Variants in LPCAT2 observed in about 807,000 individuals in gnomAD.
LPCAT2 encodes the protein lysophosphatidylcholine acyltransferase 2.
A neutral mutation model predicts 64.7 loss-of-function variants in LPCAT2; 58 were observed. The ratio of observed to expected loss-of-function variants is 0.90; its 90% confidence interval spans 0.73 to 1.12. The LOEUF (loss-of-function observed/expected upper bound fraction) is 1.12. Among genes scored for constraint, LPCAT2 ranks in the 50% most tolerant of loss-of-function variants. LPCAT2 has a pLI of 0.00. For synonymous variants in LPCAT2, 252 were observed against 245.3 expected (o/e 1.03, Z -0.26); for missense variants, 579 against 669.8 (o/e 0.86, Z 1.50).
At chr16:55,566,883 G>A (rs1963704611) in intron 11 of LPCAT2, 1 of 1,613,742 alleles carries the variant, frequency 6.2e-7, no homozygotes, top group Admixed American at 1.7e-5. Flanking sequence ...GATAGTTGGA[G>A]GAATTGTGAA....
At chr16:55,558,365 T>G (rs1963600206) in intron 11 of LPCAT2, among the ~76,000 whole-genome samples, 1 of 152,256 alleles carries the variant, frequency 6.6e-6, no homozygotes, top group African/African-American at 2.4e-5. Flanking sequence ...TTCATCCTCC[T>G]TCAGCACCAC....
chr16:55,571,433 G>C (rs1298972156), intron 11 of LPCAT2, among the ~76,000 whole-genome samples: 1 of 152,132 alleles, frequency 6.6e-6, no homozygotes, highest in Non-Finnish European at 1.5e-5. Flanking sequence ...TTCCAGGAAA[G>C]GGATGGGGCC....
intron 11 of LPCAT2, among the ~76,000 whole-genome samples, chr16:55,557,580 T>C (rs1031806486): frequency 5.3e-5 from 8 of 152,122 alleles, no homozygotes; most frequent in Non-Finnish European, 8.8e-5. Context: ...AGGTAAGGTG[T>C]CCCTGTTGCT....
chr16:55,566,742 T>C, intron 11 of LPCAT2: 1 of 1,591,972 alleles, frequency 6.3e-7, no homozygotes, highest in South Asian at 1.1e-5. Flanking sequence ...CGCATTTGCT[T>C]GTTAAACTGA....
intron 9 of LPCAT2, 40 bp from the exon 10 acceptor site, chr16:55,549,237 T>TTAA (rs199630817): frequency 6.9e-5 from 92 of 1,332,548 alleles, no homozygotes; most frequent in South Asian, 2.7e-4. Flanking sequence ...CTTTTTTTTT[T>TTAA]AAAAAAAATG....
At chr16:55,522,631 G>T (rs968797742) in intron 1 of LPCAT2, among the ~76,000 whole-genome samples, 21 of 151,832 alleles carry the variant, frequency 1.4e-4, no homozygotes, top group African/African-American at 4.8e-4. Context: ...CAGAAGTATA[G>T]ATCAACAGAT....
At chr16:55,573,317 A>C (rs1014151312) in intron 11 of LPCAT2, among the ~76,000 whole-genome samples, 13 of 152,214 alleles carry the variant, frequency 8.5e-5, no homozygotes, top group African/African-American at 2.6e-4. Context: ...TTCTTGCCTT[A>C]GTGTTTTAAA....
At chr16:55,548,086 T>C (rs1260500596) in intron 9 of LPCAT2, among the ~76,000 whole-genome samples, 1 of 152,196 alleles carries the variant, frequency 6.6e-6, no homozygotes, top group African/African-American at 2.4e-5. Flanking sequence ...TGTTTTATTC[T>C]GATTGTATTC....
At chr16:55,531,461 A>G (rs944741413) in intron 4 of LPCAT2, among the ~76,000 whole-genome samples, 3 of 152,184 alleles carry the variant, frequency 2.0e-5, no homozygotes, top group Non-Finnish European at 4.4e-5. Context: ...CACATTGTAC[A>G]CATATCTTTT....
rs371511773 is a variant in LPCAT2, at chr16:55,544,741, C to T, written c.853-994C>T. On this transcript the variant is annotated intron_variant, in intron 8 of 13. Coordinates refer to ENST00000262134, the MANE Select transcript of LPCAT2 (RefSeq NM_017839.5). ...TCCTCTTTGGCTGCATTTCCCTGGC[C>T]CCTGACAAAATTAATCCTTTCCTAC... 1.1e-4 allele frequency among the ~76,000 whole-genome samples: 16 copies of T among 152,202 alleles called. 1 individual carries two copies. The highest frequency in any genetic ancestry group is 9.7e-4 in the East Asian group (5 of 5,174).
rs1963445665 is a variant in LPCAT2 at position 55,545,759 on chromosome 16, G to C, written c.877G>C (p.Asp293His). The C allele has an allele frequency of 4.3e-6, 7 of 1,613,016 alleles. No individual in the cohort carries two copies. Among genetic ancestry groups the C allele is most frequent in the Non-Finnish European group, 5.9e-6 (7 of 1,179,462 alleles). ...GTTTATGCCAGTTCAAGTACCAAAT[G>C]ATGAAGAAAAAAATGATCCTGTCCT... ...VEFMPVQVPN[D>H]EEKNDPVLFA... The change falls in exon 9 of 14, where the codon GAT (aspartate) becomes CAT (histidine). Residue 293 changes from aspartate to histidine, a missense_variant. Physicochemically the swap from Asp to His is moderately conservative, Grantham distance 81 (BLOSUM62 -1). Coordinates refer to ENST00000262134, the MANE Select transcript of LPCAT2 (RefSeq NM_017839.5).
chr16:55,566,811 C>T, intron 11 of LPCAT2: 1 of 1,613,670 alleles, frequency 6.2e-7, no homozygotes, highest in Non-Finnish European at 8.5e-7. Flanking sequence ...TGGAGAAGCT[C>T]TTGGAGGCCT....
chr16:55,523,998 C>G (rs1178600770), intron 1 of LPCAT2, among the ~76,000 whole-genome samples: 5 of 151,740 alleles, frequency 3.3e-5, no homozygotes, highest in Admixed American at 2.0e-4. Flanking sequence ...TCCACTGATA[C>G]TTTTAAATGA....
intron 11 of LPCAT2, among the ~76,000 whole-genome samples, chr16:55,571,295 G>T (rs1963767210): frequency 6.6e-6 from 1 of 152,074 alleles, no homozygotes; most frequent in Non-Finnish European, 1.5e-5. Flanking sequence ...TGAACAAGTA[G>T]CCTAGAGCTT....
chr16:55,549,210 C>T, intron 9 of LPCAT2, 67 bp from the exon 10 acceptor site: 1 of 1,312,168 alleles, frequency 7.6e-7, no homozygotes, highest in East Asian at 2.6e-5. Context: ...CAGTTAAAGC[C>T]TAGTGAAATA....
intron 11 of LPCAT2, among the ~76,000 whole-genome samples, chr16:55,560,066 T>C (rs1207841913): frequency 6.6e-6 from 1 of 152,134 alleles, no homozygotes; most frequent in East Asian, 1.9e-4. Flanking sequence ...AAAATGTAAC[T>C]TTTTAAACTA....
chr16:55,575,562 A>G (rs7186721), intron 12 of LPCAT2, among the ~76,000 whole-genome samples: 83,075 of 151,986 alleles, frequency 0.55, 23,140 homozygotes, highest in East Asian at 0.73. Flanking sequence ...TTGTCCAGCA[A>G]GAGAGCTGCA....
intron 11 of LPCAT2, chr16:55,566,653 A>G (rs1963700007): frequency 1.6e-6 from 2 of 1,267,122 alleles, no homozygotes; most frequent in Non-Finnish European, 1.1e-6. Context: ...GTAAGCAGGT[A>G]AAGAAAAGCC....
At chr16:55,550,137 GATA>G (rs1206954427) in intron 10 of LPCAT2, among the ~76,000 whole-genome samples, 13 of 152,256 alleles carry the variant, frequency 8.5e-5, no homozygotes, top group Admixed American at 3.9e-4. Flanking sequence ...TATATTGTAA[GATA>G]ATAAAAATGT....
Sources: gnomAD v4.1 joint callset for allele counts (sites outside exome capture counted in the v4.1 genomes callset) on GRCh38, gnomAD v4.1.1 for gene constraint, MANE v1.5 for transcripts, NCBI Gene and HGNC (gene_info 2026-07-23, HGNC 2026-07-21) for gene names.